Variants in SIRPB1 observed in about 807,000 individuals in gnomAD.
SIRPB1 encodes the protein signal regulatory protein beta 1, also known as signal-regulatory protein beta-1.
A neutral mutation model predicts 34.1 loss-of-function variants in SIRPB1; 28 were observed. The observed-to-expected ratio is 0.82, with a 90% CI of 0.61 to 1.12. SIRPB1 has a LOEUF of 1.12. Among genes scored for constraint, SIRPB1 ranks in the 50% most tolerant of loss-of-function variants. SIRPB1 has a pLI of 0.00. For missense variants in SIRPB1, 499 were observed against 507.0 expected, an observed-to-expected ratio of 0.98 and a Z score of 0.15; for synonymous variants, 211 against 203.8, an observed-to-expected ratio of 1.04 and a Z score of -0.30.
chr20:1,576,247 T>G (rs2091307986), intron 2 of SIRPB1, among the ~76,000 whole-genome samples: 1 of 148,146 alleles, frequency 6.8e-6, no homozygotes, highest in South Asian at 2.1e-4. Flanking sequence ...AAAGCCACCT[T>G]CCTTGTCTAA....
chr20:1,565,602 G>C (rs181521523), intron 5 of SIRPB1, 105 bp from the exon 6 acceptor site: 1 of 149,036 alleles, frequency 6.7e-6, no homozygotes, highest in Non-Finnish European at 1.5e-5. Context: ...TATGTCCCTA[G>C]TGCTGGTCTC....
chr20:1,616,967 T>G (rs921080629), intron 1 of SIRPB1, among the ~76,000 whole-genome samples: 4 of 152,174 alleles, frequency 2.6e-5, no homozygotes, highest in Non-Finnish European at 5.9e-5. Context: ...ATTCATCTGG[T>G]AAATGCAAAT....
At chr20:1,597,306 T>C (rs2091460715) in intron 1 of SIRPB1, 1 of 48,950 alleles carries the variant, frequency 2.0e-5, no homozygotes, top group Middle Eastern at 0.016. Context: ...TCTTAGTCCA[T>C]GTATGTTGCT....
Position 1,571,703 on chromosome 20 carries a change from G to A in SIRPB1, c.751+17C>T, listed in dbSNP as rs1261183107. ...GCAGCCAGGTGTGGGCTTGGGCTGG[G>A]TGTGAGGGTCTTCTACCTCGGATGG... On this transcript the variant is annotated intron_variant, in intron 3 of 5. Coordinates refer to ENST00000381605, the MANE Select transcript of SIRPB1 (RefSeq NM_006065.5). 1 of 1,244,514 alleles carries A rather than the reference G, an allele frequency of 8.0e-7. No individual in the cohort carries two copies. The highest frequency in any genetic ancestry group is 1.1e-6 in the Non-Finnish European group (1 of 886,338). The allele number at this position is 1,244,514 out of a possible 1,614,324, so 77.1% of individuals were successfully genotyped here.
intron 1 of SIRPB1, among the ~76,000 whole-genome samples, chr20:1,581,908 A>G (rs2091396041): frequency 2.1e-5 from 1 of 48,174 alleles, no homozygotes; most frequent in African/African-American, 1.4e-4. Flanking sequence ...TCCTGTTCCA[A>G]TATCAATAAT....
In SIRPB1 at chr20:1,584,361, A is replaced by G. The variant is rs535718258; in HGVS notation, c.77-5667T>C. On this transcript the variant is annotated intron_variant, in intron 1 of 5. Coordinates refer to ENST00000381605, the MANE Select transcript of SIRPB1 (RefSeq NM_006065.5). ...CTGTTTGCATATGACACTATCTTAT[A>G]TGGAGAAAATCTTAAAAATCTCTAA... 1.4e-4 allele frequency among the ~76,000 whole-genome samples: 7 copies of G among 49,594 alleles called. 2 individuals are homozygous for G. The highest frequency in any genetic ancestry group is 9.5e-4 in the Admixed American group (7 of 7,380). The allele number at this position is 49,594 out of a possible 152,430, so 32.5% of individuals were successfully genotyped here.
intron 1 of SIRPB1, among the ~76,000 whole-genome samples, chr20:1,615,005 T>C (rs1162432872): frequency 6.6e-6 from 1 of 152,306 alleles, no homozygotes; most frequent in Non-Finnish European, 1.5e-5. Context: ...CACAAGATGA[T>C]ATAACATTGG....
intron 1 of SIRPB1, among the ~76,000 whole-genome samples, chr20:1,579,343 G>T (rs2243423): frequency 0.72 from 106,701 of 147,246 alleles, 41,430 homozygotes; most frequent in Middle Eastern, 0.83. Context: ...GCCAATTATG[G>T]CCTCCACTCT....
At position 1,561,385 on chromosome 20, in the gene SIRPB1, T is replaced by G. The variant is rs925201296; in HGVS notation, c.*4115A>C. Among the ~76,000 whole-genome samples, 1 of 152,026 alleles carries G rather than the reference T, an allele frequency of 6.6e-6. No homozygotes were observed. The highest frequency in any genetic ancestry group is 1.5e-5 in the Non-Finnish European group (1 of 67,922). On this transcript the variant is annotated 3_prime_UTR_variant, in exon 6 of 6. Coordinates refer to ENST00000381605, the MANE Select transcript of SIRPB1 (RefSeq NM_006065.5). ...TCAATGAACCAATATTGATACATTA[T>G]GATTAATCAAAGTTCATAGTTTATT...
chr20:1,618,928 C>A (rs1291139564), intron 1 of SIRPB1, among the ~76,000 whole-genome samples: 1 of 152,226 alleles, frequency 6.6e-6, no homozygotes, highest in Non-Finnish European at 1.5e-5. Context: ...TAATCCCCAG[C>A]ACCTCTGAAC....
chr20:1,611,671 T>C lies in SIRPB1; in HGVS notation c.76+8198A>G. On this transcript the variant is annotated intron_variant, in intron 1 of 5. Transcript: ENST00000381605. Reference sequence around the variant, plus strand: ...CTCTCCAGCTGCAACTGATATGGACTTGTCAGGCTGAATCACCTGCAGCTC... The same window carrying C: ...CTCTCCAGCTGCAACTGATATGGACCTGTCAGGCTGAATCACCTGCAGCTC... 1.7e-6 allele frequency: 2 copies of C among 1,154,290 alleles called. 1 individual carries two copies. The highest frequency in any genetic ancestry group is 3.2e-5 in the South Asian group (2 of 62,614). 71.5% of individuals were successfully genotyped at this position (1,154,290 alleles called of 1,614,324 possible).
rs1469041065 is a variant in SIRPB1 at position 1,579,659 on chromosome 20, C to A, written c.77-965G>T. On this transcript the variant is annotated intron_variant, in intron 1 of 5. Coordinates refer to ENST00000381605, the MANE Select transcript of SIRPB1 (RefSeq NM_006065.5). ...GGTAATTTTTCACCCATAGCATAAT[C>A]ACATTACCTAAGTTTCCTAATGCTG... Among the ~76,000 whole-genome samples the A allele has an allele frequency of 4.0e-5, 6 of 148,556 alleles. 1 individual carries two copies. Among genetic ancestry groups the A allele is most frequent in the Non-Finnish European group, 9.0e-5 (6 of 66,332 alleles).
Position 1,562,625 on chromosome 20 carries a change from TACAAACTTCTGGGCTAGCTCTTCAGTCC to T in SIRPB1, c.*2847_*2874del, listed in dbSNP as rs1483800462. On this transcript the variant is annotated 3_prime_UTR_variant, in exon 6 of 6. Coordinates refer to ENST00000381605, the MANE Select transcript of SIRPB1 (RefSeq NM_006065.5). ...TAAATTTAATGTAATTTGCATAGAG[TACAAACTTCTGGGCTAGCTCTTCAGTCC>T]ACAAATCACCATGGTAATAAAAGCT... 2.0e-5 allele frequency among the ~76,000 whole-genome samples: 3 copies of T among 152,072 alleles called. No homozygotes were observed. Among genetic ancestry groups the T allele is most frequent in the Non-Finnish European group, 4.4e-5 (3 of 68,018 alleles).
intron 2 of SIRPB1, among the ~76,000 whole-genome samples, chr20:1,577,490 G>A (rs2091331249): frequency 6.8e-6 from 1 of 147,750 alleles, no homozygotes; most frequent in African/African-American, 2.5e-5. Flanking sequence ...GCTCTGGCAG[G>A]AAACCCCACA....
chr20:1,578,220 C>T (rs1338263588), intron 2 of SIRPB1, 118 bp downstream of exon 2: 1 of 1,129,340 alleles, frequency 8.9e-7, no homozygotes, highest in Non-Finnish European at 1.3e-6. Context: ...GACATCAGTT[C>T]ATGAAAGGGT....
rs1251849558 is a variant in SIRPB1 at position 1,561,841 on chromosome 20, T to A, written c.*3659A>T. On this transcript the variant is annotated 3_prime_UTR_variant, in exon 6 of 6. Coordinates refer to ENST00000381605, the MANE Select transcript of SIRPB1 (RefSeq NM_006065.5). ...TCTCCTTTTTTCCATGCTGTACTCT[T>A]TGCAAAGAAGTCGCAGTGCACAGCC... Among the ~76,000 whole-genome samples the A allele has an allele frequency of 2.6e-5, 4 of 152,186 alleles. No homozygotes were observed. Among genetic ancestry groups the A allele is most frequent in the Non-Finnish European group, 5.9e-5 (4 of 68,030 alleles).
Position 1,611,358 on chromosome 20 carries a change from A to G in SIRPB1, c.76+8511T>C, listed in dbSNP as rs45472099. 8.1e-4 allele frequency: 733 copies of G among 907,826 alleles called. 305 individuals carry two copies. The African/African-American group carries it at 0.034, about 42-fold the overall frequency. 56.2% of individuals were successfully genotyped at this position (907,826 alleles called of 1,614,324 possible). ...GAAGGAAGCCCACGCTGTACTCACC[A>G]CGCACAGACAGCTCGGTGCCTGCTC... On this transcript the variant is annotated intron_variant, in intron 1 of 5. Coordinates refer to ENST00000381605, the MANE Select transcript of SIRPB1 (RefSeq NM_006065.5).
At position 1,566,178 on chromosome 20, in the gene SIRPB1, T is replaced by C. The variant is rs960309328; in HGVS notation, c.1174A>G (p.Ile392Val). The C allele has an allele frequency of 8.7e-6, 14 of 1,610,248 alleles. No individual in the cohort carries two copies. The highest frequency in any genetic ancestry group is 8.4e-5 in the Admixed American group (5 of 59,500). Residue 392 changes from isoleucine (I) to valine (V), a missense_variant, in exon 5 of 6, where the codon ATC becomes GTC. Physicochemically the swap from Ile to Val is conservative, Grantham distance 29 (BLOSUM62 3). Transcript: ENST00000381605. ...LLVVGVSAIY[I>V]CWKQKA is the part of the protein sequence containing the mutation. The stretch of plus-strand genomic sequence containing the variant: ...AGTCAGGCCTTCTGTTTCCAGCAGA[T>C]GTAGATGGCAGAGACACCAACCACC...
chr20:1,566,738 T>C (rs969611730), intron 4 of SIRPB1, among the ~76,000 whole-genome samples: 1 of 152,062 alleles, frequency 6.6e-6, no homozygotes, highest in Admixed American at 6.5e-5. Flanking sequence ...TGAGAATGAT[T>C]AGTAAAGGGT....
Sources: gnomAD v4.1 joint callset for allele counts (sites outside exome capture counted in the v4.1 genomes callset) on GRCh38, gnomAD v4.1.1 for gene constraint, MANE v1.5 for transcripts, NCBI Gene and HGNC (gene_info 2026-07-23, HGNC 2026-07-21) for gene names.